Variants in TLE1 observed in about 807,000 individuals in gnomAD.
The protein encoded by TLE1 is transducin-like enhancer protein 1.
TLE1 carries 21 observed loss-of-function variants against 89.8 expected under a neutral mutation model. The observed-to-expected ratio is 0.23, with a 90% CI of 0.17 to 0.34. The LOEUF is 0.34. Ranked by LOEUF, TLE1 falls within the 10% of genes least tolerant of loss-of-function variation. TLE1 has a pLI of 1.00. For missense variants in TLE1, 795 were observed against 1,031.2 expected (o/e 0.77, Z 3.14); for synonymous variants, 447 against 407.6 (o/e 1.10, Z -1.16).
chr9:81,675,940 C>T (rs112338904), intron 4 of TLE1, among the ~76,000 whole-genome samples: 3,439 of 152,028 alleles, frequency 0.023, 140 homozygotes, highest in African/African-American at 0.077. Flanking sequence ...ACCTCGTGAT[C>T]CGCCCGCCTC....
In TLE1 at chr9:81,590,942, C is replaced by T. The variant is rs369331200; in HGVS notation, c.1692G>A (p.Pro564=). Reference sequence around the variant, plus strand: ...AGGACGTCAGCTCCGCCTTGATGCGCGGGGTTGGAGCCGCCAGGTCCCAAA... The same window carrying T: ...AGGACGTCAGCTCCGCCTTGATGCGTGGGGTTGGAGCCGCCAGGTCCCAAA... ...LSIWDLAAPT[P]RIKAELTSSA... is the part of the protein sequence containing the mutation. The change falls in exon 16 of 20, where the codon CCG becomes CCA. Residue 564 remains proline, a synonymous_variant. Transcript: ENST00000376499. 2.2e-5 allele frequency: 36 copies of T among 1,614,106 alleles called. No individual in the cohort carries two copies. The highest frequency in any genetic ancestry group is 1.6e-4 in the Middle Eastern group (1 of 6,084).
Position 81,688,175 on chromosome 9 carries a change from C to G in TLE1, c.24+42G>C, listed in dbSNP as rs989747057. On this transcript the variant is annotated intron_variant, in intron 1 of 19. Transcript: ENST00000376499. Reference sequence around the variant, plus strand: ...CCTACCGCCCGGGAGAAGCGCCTCCCCAACGATCCTGGCCCCCCACCACCA... The same window carrying G: ...CCTACCGCCCGGGAGAAGCGCCTCCGCAACGATCCTGGCCCCCCACCACCA... 3 of 1,601,348 alleles carry G rather than the reference C, an allele frequency of 1.9e-6. No homozygotes were observed. In the African/African-American group the frequency reaches 4.1e-5, roughly 22 times the overall value.
chr9:81,624,118 T>G (rs1825630183), intron 8 of TLE1, among the ~76,000 whole-genome samples: 1 of 152,202 alleles, frequency 6.6e-6, no homozygotes. Context: ...CCACCCTGGC[T>G]CTTTCAACTA....
intron 4 of TLE1, among the ~76,000 whole-genome samples, chr9:81,681,946 T>G (rs976572906): frequency 6.6e-6 from 1 of 151,956 alleles, no homozygotes; most frequent in Non-Finnish European, 1.5e-5. Context: ...CATGAGGGGA[T>G]AGGAAGAAGC....
intron 8 of TLE1, among the ~76,000 whole-genome samples, chr9:81,624,683 A>AT (rs1187864749): frequency 2.0e-5 from 3 of 152,140 alleles, no homozygotes; most frequent in African/African-American, 4.8e-5. Flanking sequence ...ATCTGCCAGG[A>AT]TTTTTTTAAA....
chr9:81,649,879 C>A (rs940752595), intron 6 of TLE1, among the ~76,000 whole-genome samples: 1 of 152,102 alleles, frequency 6.6e-6, no homozygotes, highest in African/African-American at 2.4e-5. Flanking sequence ...TCCTTTCAGG[C>A]AAAAATCAAG....
intron 16 of TLE1, among the ~76,000 whole-genome samples, chr9:81,589,744 T>C (rs903814305): frequency 6.6e-6 from 1 of 152,198 alleles, no homozygotes; most frequent in Non-Finnish European, 1.5e-5. Flanking sequence ...TTGAAAGTGC[T>C]ACTTATGGAG....
intron 6 of TLE1, among the ~76,000 whole-genome samples, chr9:81,648,300 G>C (rs1247988598): frequency 6.7e-6 from 1 of 148,304 alleles, no homozygotes; most frequent in Admixed American, 6.7e-5. Context: ...AGCATCTTTA[G>C]CTCTTCTTTC....
chr9:81,622,383 TC>T (rs1323339017), intron 8 of TLE1, among the ~76,000 whole-genome samples: 1 of 152,148 alleles, frequency 6.6e-6, no homozygotes, highest in Non-Finnish European at 1.5e-5. Flanking sequence ...CCTCCTGCTG[TC>T]ATCAGCACTG....
At chr9:81,646,116 CTTAAA>C (rs1236777914) in intron 6 of TLE1, among the ~76,000 whole-genome samples, 3 of 152,134 alleles carry the variant, frequency 2.0e-5, no homozygotes, top group Admixed American at 6.5e-5. Flanking sequence ...TATCCCGGAA[CTTAAA>C]TTAAAATTTT....
chr9:81,688,247 G>A lies in TLE1; in HGVS notation c.-7C>T, dbSNP rs547297205. On this transcript the variant is annotated 5_prime_UTR_variant, in exon 1 of 20. Coordinates refer to ENST00000376499, the MANE Select transcript of TLE1 (RefSeq NM_005077.5). ...GCCGGCTCTGCGGGAACATCGCTCT[G>A]GCGGCGGCCGGGGCTCTGTTCCCCG... 6.9e-6 allele frequency: 11 copies of A among 1,584,126 alleles called. No homozygotes were observed. Among genetic ancestry groups the A allele is most frequent in the South Asian group, 1.1e-5 (1 of 88,892 alleles).
intron 14 of TLE1, among the ~76,000 whole-genome samples, chr9:81,596,450 C>T (rs2131880809): frequency 6.6e-6 from 1 of 152,178 alleles, no homozygotes; most frequent in Admixed American, 6.5e-5. Flanking sequence ...AGGAAAAAAC[C>T]AGGGGAGGAA....
At chr9:81,659,379 G>A (rs1431406646) in intron 4 of TLE1, among the ~76,000 whole-genome samples, 1 of 152,198 alleles carries the variant, frequency 6.6e-6, no homozygotes, top group Non-Finnish European at 1.5e-5. Context: ...ACCCAATGAT[G>A]AATACCTATT....
At chr9:81,677,239 C>T (rs1046039216) in intron 4 of TLE1, among the ~76,000 whole-genome samples, 1 of 141,960 alleles carries the variant, frequency 7.0e-6, no homozygotes, top group Admixed American at 7.1e-5. Flanking sequence ...CTCGTCTTCC[C>T]CCCCCCAAAA....
At chr9:81,608,943 A>G (rs1823336072) in intron 14 of TLE1, among the ~76,000 whole-genome samples, 1 of 152,226 alleles carries the variant, frequency 6.6e-6, no homozygotes, top group African/African-American at 2.4e-5. Flanking sequence ...CTCAAAAATA[A>G]TAAAAAAAAG....
chr9:81,585,440 T>G, intron 18 of TLE1, 65 bp downstream of exon 18: 2 of 1,576,136 alleles, frequency 1.3e-6, no homozygotes, highest in Non-Finnish European at 1.7e-6. Flanking sequence ...TCTACCATAT[T>G]TTTTTAAGAA....
At position 81,634,084 on chromosome 9, in the gene TLE1, C is replaced by A; in HGVS notation, c.577+13G>T. The stretch of plus-strand genomic sequence containing the variant: ...GAGGACAAAGTCCTAATCTGGCTTG[C>A]CCGGCCTCTCACCTCTGTGGTGCTC... On this transcript the variant is annotated intron_variant, in intron 7 of 19. Transcript: ENST00000376499. The A allele has an allele frequency of 6.3e-7, 1 of 1,599,280 alleles. No individual in the cohort carries two copies. Among genetic ancestry groups the A allele is most frequent in the Non-Finnish European group, 8.5e-7 (1 of 1,171,878 alleles).
intron 8 of TLE1, 54 bp from the exon 9 acceptor site, chr9:81,620,611 T>C: frequency 6.3e-7 from 1 of 1,579,974 alleles, no homozygotes; most frequent in African/African-American, 1.4e-5. Context: ...TTTGTACACA[T>C]GAAACCCAAC....
Position 81,613,520 on chromosome 9 carries a change from T to C in TLE1, c.920A>G (p.His307Arg), listed in dbSNP as rs761679442. The change falls in exon 12 of 20, where the codon CAT (histidine) becomes CGT (arginine). Residue 307 changes from histidine (H) to arginine (R), a missense_variant and splice_region_variant. Coordinates refer to ENST00000376499, the MANE Select transcript of TLE1 (RefSeq NM_005077.5). Reference protein sequence around the residue: ...TSLKSKEMSLHEKASTPVLKS... With the variant: ...TSLKSKEMSLREKASTPVLKS... ...CAGAACAGGCGTGCTGGCTTTTTCA[T>C]GCTGGTGTCATTAAACAAATTAAAT... 7 of 1,614,088 alleles carry C rather than the reference T, an allele frequency of 4.3e-6. No individual in the cohort carries two copies. The highest frequency in any genetic ancestry group is 1.1e-5 in the South Asian group (1 of 91,054).
Sources: allele counts gnomAD v4.1 joint callset (sites outside exome capture counted in the v4.1 genomes callset), GRCh38; gene constraint gnomAD v4.1.1; transcripts MANE v1.5; gene names NCBI Gene and HGNC (gene_info 2026-07-23, HGNC 2026-07-21).